Variants in HIBCH observed in about 807,000 individuals in gnomAD.
The protein encoded by HIBCH is 3-hydroxyisobutyryl-CoA hydrolase.
Under a neutral mutation model 58.2 loss-of-function variants are expected in HIBCH, and 50 were observed. That is an observed-to-expected ratio of 0.86 (90% CI 0.68 to 1.09). HIBCH has a LOEUF of 1.09. Among genes scored for constraint, HIBCH ranks in the 50% least tolerant of loss-of-function variants. HIBCH has a pLI of 0.00. For synonymous variants in HIBCH, 151 were observed against 146.9 expected (o/e 1.03, Z -0.20); for missense variants, 450 against 449.7 (o/e 1.00, Z -0.01).
intron 6 of HIBCH, among the ~76,000 whole-genome samples, chr2:190,284,202 A>G (rs1687776214): frequency 6.6e-6 from 1 of 152,224 alleles, no homozygotes; most frequent in African/African-American, 2.4e-5. Flanking sequence ...TTTATTCAAG[A>G]CAACATTATC....
At chr2:190,198,229 G>A (rs1046668144) in intron 1 of HIBCH, among the ~76,000 whole-genome samples, 1 of 152,090 alleles carries the variant, frequency 6.6e-6, no homozygotes, top group Admixed American at 6.5e-5. Flanking sequence ...TGAGAAACTG[G>A]GTAGAATTTA....
exon 2 of HIBCH, chr2:190,189,990 T>C (rs572197175): frequency 2.0e-5 from 3 of 152,336 alleles, no homozygotes; most frequent in African/African-American, 7.2e-5. Flanking sequence ...ATGCTGCCCA[T>C]AGGCGGTCTT....
chr2:190,240,202 T>C (rs1479739066), intron 11 of HIBCH, among the ~76,000 whole-genome samples: 1 of 152,226 alleles, frequency 6.6e-6, no homozygotes, highest in Non-Finnish European at 1.5e-5. Flanking sequence ...ATTTAGGGAT[T>C]TGACTTCTTC....
rs552787582 is a variant in HIBCH at position 190,288,357 on chromosome 2, G to GA, written c.386-720dup. Among the ~76,000 whole-genome samples, 541 of 151,140 alleles carry GA rather than the reference G, an allele frequency of 3.6e-3. 3 individuals carry two copies. Among genetic ancestry groups the GA allele is most frequent in the Middle Eastern group, 0.01 (3 of 292 alleles). On this transcript the variant is annotated intron_variant, in intron 5 of 13. Coordinates refer to ENST00000359678, the MANE Select transcript of HIBCH (RefSeq NM_014362.4). ...AGATCCAAAGTCCAACAGCAGCCAA[G>GA]AAAAAAGACATGTAGAAAAAGCATC...
downstream of HIBCH, chr2:190,200,428 A>G: frequency 3.4e-6 from 1 of 298,496 alleles, no homozygotes; most frequent in Non-Finnish European, 6.7e-6. Flanking sequence ...CTTCCTAAGT[A>G]ATGGCATCAC....
At chr2:190,262,240 A>C (rs773110567) in intron 6 of HIBCH, among the ~76,000 whole-genome samples, 1 of 152,174 alleles carries the variant, frequency 6.6e-6, no homozygotes, top group Non-Finnish European at 1.5e-5. Context: ...AGAAAACAAA[A>C]CAAACACATA....
rs11418020 is a variant in HIBCH at position 190,229,844 on chromosome 2, A to ATT, written c.891+15041_891+15042dup. Among the ~76,000 whole-genome samples the ATT allele has an allele frequency of 4.3e-3, 638 of 149,098 alleles. 5 individuals carry two copies. Among genetic ancestry groups the ATT allele is most frequent in the East Asian group, 0.02 (103 of 5,142 alleles). On this transcript the variant is annotated intron_variant, in intron 11 of 13. Coordinates refer to ENST00000359678, the MANE Select transcript of HIBCH (RefSeq NM_014362.4). ...TATTAGAAGCATCTTATATGGCTGG[A>ATT]TTTTTTTTTTTTAAGGAAAATCTAA...
chr2:190,300,212 T>C (rs1559060983), intron 2 of HIBCH, among the ~76,000 whole-genome samples: 2 of 152,228 alleles, frequency 1.3e-5, no homozygotes, highest in Non-Finnish European at 1.5e-5. Flanking sequence ...CGAATGACAG[T>C]TCTGTTTTTA....
rs369086391 is a variant in HIBCH, at chr2:190,205,310, A to T, written c.1046-78T>A. ...AGATTTTACTTACTGAATTGACAGA[A>T]ATTCTTATACTAGGCACATTTTTCT... On this transcript the variant is annotated intron_variant, in intron 13 of 13. Coordinates refer to ENST00000359678, the MANE Select transcript of HIBCH (RefSeq NM_014362.4). 19 of 820,066 alleles carry T rather than the reference A, an allele frequency of 2.3e-5. No individual in the cohort carries two copies. The African/African-American group carries it at 3.1e-4, about 13-fold the overall frequency. The allele number at this position is 820,066 out of a possible 1,614,324, so 50.8% of individuals were successfully genotyped here. A position where few individuals can be genotyped will look rare whatever the true frequency, so the allele number is the denominator to read the frequency against.
At chr2:190,280,659 T>C (rs1687681913) in intron 6 of HIBCH, among the ~76,000 whole-genome samples, 2 of 152,022 alleles carry the variant, frequency 1.3e-5, no homozygotes, top group East Asian at 1.9e-4. Context: ...CAAATGAGCA[T>C]GCGCACAACT....
intron 3 of HIBCH, 70 bp from the exon 4 acceptor site, chr2:190,294,700 GCA>G: frequency 3.2e-6 from 3 of 935,494 alleles, no homozygotes; most frequent in Non-Finnish European, 5.3e-6. Flanking sequence ...ATATGCATAT[GCA>G]CATATATTCA....
At chr2:190,213,111 T>A (rs372398866) in intron 11 of HIBCH, 36 bp from the exon 12 acceptor site, 1 of 1,479,312 alleles carries the variant, frequency 6.8e-7, no homozygotes, top group South Asian at 1.1e-5. Context: ...GTTAGTCCAA[T>A]AGTTCCTTTA....
intron 2 of HIBCH, 26 bp downstream of exon 2, chr2:190,310,728 C>A (rs1472260910): frequency 6.3e-7 from 1 of 1,575,556 alleles, no homozygotes; most frequent in South Asian, 1.1e-5. Flanking sequence ...ACAAATAATG[C>A]CAGCAAAACA....
intron 3 of HIBCH, among the ~76,000 whole-genome samples, chr2:190,295,271 T>C (rs2105990776): frequency 6.6e-6 from 1 of 152,348 alleles, no homozygotes; most frequent in African/African-American, 2.4e-5. Context: ...TGAGTATCCC[T>C]TATCTGAAAT....
chr2:190,300,386 G>T (rs1688229132), intron 2 of HIBCH, among the ~76,000 whole-genome samples: 1 of 149,162 alleles, frequency 6.7e-6, no homozygotes, highest in Non-Finnish European at 1.5e-5. Context: ...ATCTCATCAT[G>T]GTTTTGTTTT....
downstream of HIBCH, chr2:190,199,952 A>AAGAG: frequency 6.2e-7 from 1 of 1,614,166 alleles, no homozygotes; most frequent in Non-Finnish European, 8.5e-7. Context: ...TTTATGCCAG[A>AAGAG]AGAGAGATGT....
chr2:190,288,897 G>T (rs975045336), intron 5 of HIBCH, among the ~76,000 whole-genome samples: 1 of 152,068 alleles, frequency 6.6e-6, no homozygotes. Context: ...GGATCACCTA[G>T]GGTCAGGAGT....
intron 2 of HIBCH, among the ~76,000 whole-genome samples, chr2:190,297,604 A>G (rs997091238): frequency 6.6e-6 from 1 of 152,232 alleles, no homozygotes; most frequent in Non-Finnish European, 1.5e-5. Context: ...ACTGACTTAA[A>G]GCCTTGCACA....
chr2:190,246,090 T>A, intron 10 of HIBCH, 64 bp downstream of exon 10: 1 of 934,602 alleles, frequency 1.1e-6, no homozygotes, highest in East Asian at 2.5e-5. Context: ...ATTATAATGT[T>A]AGCAAATTCA....
Sources: allele counts gnomAD v4.1 joint callset (sites outside exome capture counted in the v4.1 genomes callset), GRCh38; gene constraint gnomAD v4.1.1; transcripts MANE v1.5; gene names NCBI Gene and HGNC (gene_info 2026-07-23, HGNC 2026-07-21).